The following SGCD variants were observed in gnomAD, a reference collection of about 807,000 sequenced individuals.
SGCD encodes sarcoglycan delta.
In SGCD, 18 loss-of-function variants were observed where a neutral mutation model predicts 36.6. The ratio of observed to expected loss-of-function variants is 0.49; its 90% CI spans 0.34 to 0.73. SGCD has a LOEUF of 0.73. Ranked by LOEUF, SGCD falls within the 30% of genes least tolerant of loss-of-function variation. SGCD has a pLI of 0.01. For missense variants in SGCD, 387 were observed against 346.7 expected (o/e 1.12, Z -0.92); for synonymous variants, 133 against 130.6 (o/e 1.02, Z -0.12).
intron 3 of SGCD, among the ~76,000 whole-genome samples, chr5:156,462,857 T>C (rs189928917): frequency 5.9e-5 from 9 of 152,326 alleles, no homozygotes; most frequent in Admixed American, 2.6e-4. Context: ...AATAGAATTG[T>C]ATGAGTTTAG....
chr5:155,834,224 C>T, the SGCD span, among the ~76,000 whole-genome samples: 8 of 152,124 alleles, frequency 5.3e-5, no homozygotes, highest in Non-Finnish European at 8.8e-5. Flanking sequence ...GGAACTGTGT[C>T]CTGATCCTCC....
At chr5:156,491,937 G>A (rs1483535230) in intron 3 of SGCD, among the ~76,000 whole-genome samples, 2 of 152,050 alleles carry the variant, frequency 1.3e-5, no homozygotes, top group Non-Finnish European at 2.9e-5. Context: ...TTTTTAACTT[G>A]TTGCTTGACA....
chr5:155,852,770 G>A, the SGCD span, among the ~76,000 whole-genome samples: 1 of 152,220 alleles, frequency 6.6e-6, no homozygotes, highest in Non-Finnish European at 1.5e-5. Context: ...GCATCTTTTT[G>A]TTGTTGTTTG....
At chr5:155,894,255 A>G (rs548223998) in intron 1 of SGCD, among the ~76,000 whole-genome samples, 1 of 152,238 alleles carries the variant, frequency 6.6e-6, no homozygotes, top group South Asian at 2.1e-4. Context: ...ACACACAAGT[A>G]ATGCATCATG....
intron 3 of SGCD, among the ~76,000 whole-genome samples, chr5:156,377,745 C>A (rs987134162): frequency 6.6e-6 from 1 of 152,088 alleles, no homozygotes; most frequent in Admixed American, 6.6e-5. Flanking sequence ...CATTAGGTAC[C>A]CCCATTCTTG....
chr5:156,342,779 C>T (rs1242300808), intron 2 of SGCD, among the ~76,000 whole-genome samples: 1 of 152,178 alleles, frequency 6.6e-6, no homozygotes, highest in African/African-American at 2.4e-5. Flanking sequence ...AGAACTTGCC[C>T]ATGGTATTTA....
At chr5:155,856,404 A>G in the SGCD span, among the ~76,000 whole-genome samples, 1,371 of 152,358 alleles carry the variant, frequency 9.0e-3, 21 homozygotes, top group African/African-American at 0.031. Context: ...TAGTAATCAC[A>G]TTAAATGTAA....
chr5:156,370,930 AT>A (rs1770353059), intron 3 of SGCD, among the ~76,000 whole-genome samples: 1 of 151,860 alleles, frequency 6.6e-6, no homozygotes, highest in Admixed American at 6.6e-5. Flanking sequence ...GAATTACTAT[AT>A]TTTTTTATTT....
chr5:156,715,766 A>C (rs941473163), intron 7 of SGCD, among the ~76,000 whole-genome samples: 5 of 152,202 alleles, frequency 3.3e-5, no homozygotes, highest in Non-Finnish European at 7.3e-5. Context: ...TAAGGCTGTT[A>C]TGAGGATTAA....
chr5:155,756,756 A>C, the SGCD span, among the ~76,000 whole-genome samples: 2 of 152,320 alleles, frequency 1.3e-5, no homozygotes, highest in Admixed American at 6.5e-5. Flanking sequence ...TGAATATTAA[A>C]CACTTCCCTG....
intron 1 of SGCD, among the ~76,000 whole-genome samples, chr5:156,030,847 T>C (rs1175462791): frequency 1.3e-5 from 2 of 152,094 alleles, no homozygotes; most frequent in African/African-American, 4.8e-5. Flanking sequence ...GTACAAATAG[T>C]ACAAATAGAA....
At chr5:156,050,294 G>A (rs1414218359) in intron 1 of SGCD, among the ~76,000 whole-genome samples, 2 of 146,464 alleles carry the variant, frequency 1.4e-5, no homozygotes, top group East Asian at 1.9e-4. Context: ...TCAACACTGA[G>A]GCAAGACTCT....
At chr5:156,653,493 C>CTTGTTTTTTTTTTTTTTT (rs1763545133) in intron 7 of SGCD, among the ~76,000 whole-genome samples, 2 of 48,080 alleles carry the variant, frequency 4.2e-5, no homozygotes, top group African/African-American at 6.4e-5. Flanking sequence ...CTAAAGCTTG[C>CTTGTTTTTTTTTTTTTTT]TTTTTTTTTT....
At chr5:156,397,051 C>T (rs1320349190) in intron 3 of SGCD, among the ~76,000 whole-genome samples, 1 of 152,132 alleles carries the variant, frequency 6.6e-6, no homozygotes, top group African/African-American at 2.4e-5. Flanking sequence ...GTTAAAGGGT[C>T]ACAAAGGAGC....
chr5:156,133,914 AACACACACACACACACACACAC>A (rs70981997), intron 3 of SGCD, among the ~76,000 whole-genome samples: 4 of 140,328 alleles, frequency 2.9e-5, no homozygotes, highest in Non-Finnish European at 6.1e-5. Flanking sequence ...GCCGGGTTAA[AACACACACACACACACACACAC>A]ACACACACAC....
At chr5:155,924,774 A>G (rs244957) in intron 1 of SGCD, among the ~76,000 whole-genome samples, 131,853 of 152,172 alleles carry the variant, frequency 0.87, 57,126 homozygotes, top group Admixed American at 0.91. Flanking sequence ...TTATTTGTTC[A>G]TTAGTAAACA....
chr5:156,129,150 C>T (rs1347912232), intron 3 of SGCD, among the ~76,000 whole-genome samples: 2 of 152,218 alleles, frequency 1.3e-5, no homozygotes. Flanking sequence ...AAATGATACA[C>T]ATATTAAGCA....
chr5:156,244,834 G>A (rs1765401093), intron 3 of SGCD, among the ~76,000 whole-genome samples: 1 of 152,122 alleles, frequency 6.6e-6, no homozygotes, highest in Admixed American at 6.6e-5. Flanking sequence ...ATAGAGAGTG[G>A]TGTCATAGAT....
intron 1 of SGCD, among the ~76,000 whole-genome samples, chr5:156,072,208 G>T (rs1039537402): frequency 7.2e-5 from 11 of 152,124 alleles, no homozygotes; most frequent in Admixed American, 1.3e-4. Flanking sequence ...CTTAGTTGAT[G>T]CAGTTTCTTC....
Sources: allele counts gnomAD v4.1 joint callset (sites outside exome capture counted in the v4.1 genomes callset), GRCh38; gene constraint gnomAD v4.1.1; transcripts MANE v1.5; gene names NCBI Gene and HGNC (gene_info 2026-07-23, HGNC 2026-07-21).